Variants in LAMA2 observed in about 807,000 individuals in gnomAD.
LAMA2 encodes laminin subunit alpha 2.
LAMA2 carries 269 observed loss-of-function variants against 364.8 expected under a neutral mutation model. The ratio of observed to expected loss-of-function variants is 0.74; its 90% confidence interval spans 0.67 to 0.82. LAMA2 has a LOEUF of 0.82. Among genes scored for constraint, LAMA2 ranks in the 40% least tolerant of loss-of-function variants. The pLI, the probability that LAMA2 is intolerant of heterozygous loss-of-function variation, is 0.00. For synonymous variants in LAMA2, 1,379 were observed against 1,370.6 expected (o/e 1.01, Z -0.14); for missense variants, 3,807 against 3,873.2 (o/e 0.98, Z 0.45).
intron 1 of LAMA2, among the ~76,000 whole-genome samples, chr6:128,932,753 T>A (rs1276253855): frequency 6.6e-6 from 1 of 152,204 alleles, no homozygotes; most frequent in Non-Finnish European, 1.5e-5. Flanking sequence ...CGATTTAATA[T>A]ACATATACAT....
intron 12 of LAMA2, among the ~76,000 whole-genome samples, chr6:129,245,946 G>A (rs193219974): frequency 7.2e-5 from 11 of 152,186 alleles, no homozygotes; most frequent in South Asian, 4.1e-4. Flanking sequence ...TGTTCATAGC[G>A]TATTCATAAT....
At chr6:129,068,994 C>A (rs893472271) in intron 3 of LAMA2, among the ~76,000 whole-genome samples, 7 of 151,876 alleles carry the variant, frequency 4.6e-5, no homozygotes, top group African/African-American at 1.7e-4. Flanking sequence ...CAAATTCTAG[C>A]AATACCATGA....
intron 12 of LAMA2, among the ~76,000 whole-genome samples, chr6:129,226,443 T>A (rs1444716759): frequency 6.6e-6 from 1 of 152,242 alleles, no homozygotes; most frequent in African/African-American, 2.4e-5. Flanking sequence ...TCTTTACAAT[T>A]TGGCATGTTT....
chr6:129,419,540 A>G (rs1479581226), intron 40 of LAMA2, among the ~76,000 whole-genome samples: 2 of 152,190 alleles, frequency 1.3e-5, no homozygotes, highest in Admixed American at 6.5e-5. Flanking sequence ...GTCTAGTGGT[A>G]CACATAGGTA....
intron 3 of LAMA2, among the ~76,000 whole-genome samples, chr6:129,072,810 C>A (rs1371350780): frequency 6.6e-6 from 1 of 151,980 alleles, no homozygotes; most frequent in Non-Finnish European, 1.5e-5. Flanking sequence ...TCAGTCCCAC[C>A]TCCCCATCAG....
intron 62 of LAMA2, among the ~76,000 whole-genome samples, chr6:129,512,056 C>T (rs913597297): frequency 1.3e-5 from 2 of 152,140 alleles, no homozygotes; most frequent in Non-Finnish European, 2.9e-5. Flanking sequence ...AGTAAACCCT[C>T]ATGTTGTGCC....
intron 12 of LAMA2, among the ~76,000 whole-genome samples, chr6:129,196,664 C>G (rs532321143): frequency 2.0e-5 from 3 of 152,234 alleles, no homozygotes; most frequent in African/African-American, 7.2e-5. Flanking sequence ...ATAACTTCCT[C>G]CTATTTAAAT....
At chr6:129,209,783 A>C (rs952767967) in intron 12 of LAMA2, among the ~76,000 whole-genome samples, 2 of 151,854 alleles carry the variant, frequency 1.3e-5, no homozygotes, top group Admixed American at 6.6e-5. Flanking sequence ...GCGGGCGGAT[A>C]ACGAGGTCAG....
chr6:129,138,305 A>G (rs1777921341), intron 4 of LAMA2, among the ~76,000 whole-genome samples: 1 of 152,150 alleles, frequency 6.6e-6, no homozygotes. Flanking sequence ...AATGAGCAGT[A>G]TTAGAATTAA....
At chr6:129,136,030 G>A (rs1450605741) in intron 4 of LAMA2, among the ~76,000 whole-genome samples, 11 of 146,888 alleles carry the variant, frequency 7.5e-5, no homozygotes, top group African/African-American at 1.2e-4. Flanking sequence ...TCCTTTCAGA[G>A]AAAAAAAAAA....
At chr6:128,982,387 G>A (rs1307372134) in intron 1 of LAMA2, among the ~76,000 whole-genome samples, 1 of 151,986 alleles carries the variant, frequency 6.6e-6, no homozygotes, top group Non-Finnish European at 1.5e-5. Flanking sequence ...TTTTAGAAAT[G>A]GTTTCCTACC....
chr6:129,327,722 AAAAT>A (rs1335265768), intron 28 of LAMA2, among the ~76,000 whole-genome samples: 1 of 152,246 alleles, frequency 6.6e-6, no homozygotes, highest in Non-Finnish European at 1.5e-5. Context: ...CAAAAAGAAA[AAAAT>A]TATATCAGGG....
intron 15 of LAMA2, among the ~76,000 whole-genome samples, chr6:129,261,385 G>T (rs2114322871): frequency 6.6e-6 from 1 of 152,078 alleles, no homozygotes; most frequent in East Asian, 1.9e-4. Flanking sequence ...ATTTATTGTT[G>T]TCTCAATATC....
rs577463317 is a variant in LAMA2, at chr6:129,437,363, G to A, written c.5969-1283G>A. 4.6e-5 allele frequency among the ~76,000 whole-genome samples: 7 copies of A among 152,104 alleles called. No individual in the cohort carries two copies. In the Middle Eastern group the frequency reaches 0.014, roughly 296 times the overall value. ...TAAGGATTAAGTAAAACAACCCACT[G>A]AAACTGAAGAACACTAAATGCGTGT... On this transcript the variant is annotated intron_variant, in intron 41 of 64. Coordinates refer to ENST00000421865, the MANE Select transcript of LAMA2 (RefSeq NM_000426.4).
chr6:129,329,917 T>C (rs1203552269), intron 29 of LAMA2, among the ~76,000 whole-genome samples: 2 of 152,156 alleles, frequency 1.3e-5, no homozygotes, highest in Non-Finnish European at 1.5e-5. Flanking sequence ...GGTATTACTG[T>C]ACTGCCTGAG....
At chr6:129,516,126 A>ATGT in intron 64 of LAMA2, 64 bp from the exon 65 acceptor site, 1 of 1,555,756 alleles carries the variant, frequency 6.4e-7, no homozygotes, top group Non-Finnish European at 8.9e-7. Context: ...TGACTTTGAA[A>ATGT]CATGCTCTTA....
At chr6:129,286,120 C>T (rs1789096844) in intron 18 of LAMA2, among the ~76,000 whole-genome samples, 1 of 152,000 alleles carries the variant, frequency 6.6e-6, no homozygotes, top group African/African-American at 2.4e-5. Flanking sequence ...GGTAGAGAGC[C>T]TTTCTCTAAA....
chr6:129,476,715 G>A (rs1425209642), intron 53 of LAMA2, among the ~76,000 whole-genome samples: 2 of 152,166 alleles, frequency 1.3e-5, no homozygotes, highest in African/African-American at 2.4e-5. Flanking sequence ...AGTGAACACT[G>A]TTAATGAAAT....
chr6:129,240,348 A>C (rs1182861237), intron 12 of LAMA2, among the ~76,000 whole-genome samples: 1 of 152,160 alleles, frequency 6.6e-6, no homozygotes, highest in East Asian at 1.9e-4. Context: ...TACTTCAGTC[A>C]AGTAGACAGT....
Sources: gnomAD v4.1 joint callset for allele counts (sites outside exome capture counted in the v4.1 genomes callset) on GRCh38, gnomAD v4.1.1 for gene constraint, MANE v1.5 for transcripts, NCBI Gene and HGNC (gene_info 2026-07-23, HGNC 2026-07-21) for gene names.